IRGM: variants seen among roughly 807,000 people sequenced by gnomAD.
IRGM encodes immunity related GTPase M, also known as immunity-related GTPase family M protein.
For synonymous variants in IRGM, 98 were observed against 80.6 expected, an observed-to-expected ratio of 1.22 and a Z score of -1.16; for missense variants, 288 against 219.9, an observed-to-expected ratio of 1.31 and a Z score of -1.96.
intron 1 of IRGM, among the ~76,000 whole-genome samples, chr5:150,864,574 A>G (rs1040633111): frequency 6.6e-6 from 1 of 152,076 alleles, no homozygotes; most frequent in African/African-American, 2.4e-5. Context: ...CTTCACTATC[A>G]TGTCTGAGGC....
intron 3 of IRGM, among the ~76,000 whole-genome samples, chr5:150,899,208 T>C (rs906027342): frequency 2.0e-5 from 3 of 152,122 alleles, no homozygotes; most frequent in Admixed American, 1.3e-4. Context: ...TAAATTTCTA[T>C]TGTTTAAGCC....
chr5:150,856,985 G>T lies in IRGM; in HGVS notation c.158+8331G>T, dbSNP rs181709119. Among the ~76,000 whole-genome samples the T allele has an allele frequency of 6.5e-3, 983 of 150,316 alleles. 11 individuals are homozygous for T. Among genetic ancestry groups the T allele is most frequent in the African/African-American group, 0.023 (940 of 40,900 alleles). The stretch of plus-strand genomic sequence containing the variant: ...TAGCGTACATGTGCACAATGTGCAG[G>T]TTTGTTACATATGTATACATGTGCC... On this transcript the variant is annotated intron_variant and NMD_transcript_variant, in intron 1 of 3. Coordinates refer to the IRGM transcript ENST00000520549.
Position 150,848,058 on chromosome 5 carries a change from T to A in IRGM, c.-66T>A. On this transcript the variant is annotated 5_prime_UTR_variant, in exon 2 of 2. Transcript: ENST00000522154. ...CCTCGTGATCTGCTCGCCTCGGCCTTCCAAAGTGCTGGGATTACAGGCATG... is the reference window on the plus strand; with the variant it reads ...CCTCGTGATCTGCTCGCCTCGGCCTACCAAAGTGCTGGGATTACAGGCATG... 1 of 1,322,726 alleles carries A rather than the reference T, an allele frequency of 7.6e-7. No individual in the cohort carries two copies. Among genetic ancestry groups the A allele is most frequent in the Non-Finnish European group, 1.0e-6 (1 of 973,880 alleles). The allele number at this position is 1,322,726 out of a possible 1,614,324, so 81.9% of individuals were successfully genotyped here. A position where few individuals can be genotyped will look rare whatever the true frequency, so the allele number is the denominator to read the frequency against.
intron 2 of IRGM, among the ~76,000 whole-genome samples, chr5:150,878,424 CCTT>C (rs1172906860): frequency 4.6e-5 from 7 of 152,118 alleles, no homozygotes; most frequent in South Asian, 2.1e-4. Flanking sequence ...AAATGACTAC[CCTT>C]CTTCTCTCTT....
chr5:150,849,634 T>C (rs370508648), downstream of IRGM, among the ~76,000 whole-genome samples: 1 of 143,852 alleles, frequency 7.0e-6, no homozygotes. Flanking sequence ...TTGAGATGGG[T>C]TCTTGCTCTG....
chr5:150,846,856 T>G lies in IRGM; in HGVS notation c.-780T>G, dbSNP rs907429929. On this transcript the variant is annotated 5_prime_UTR_variant, in exon 1 of 2. Coordinates refer to ENST00000522154, the MANE Select transcript of IRGM (RefSeq NM_001145805.2). ...GAACAAACTCCGGACACGCAGCCTT[T>G]AAGAATTGTAACACTCACCGCGAGG... 1 of 153,422 alleles carries G rather than the reference T, an allele frequency of 6.5e-6. No individual in the cohort carries two copies. The highest frequency in any genetic ancestry group is 1.4e-5 in the Non-Finnish European group (1 of 69,020). 9.5% of individuals were successfully genotyped at this position (153,422 alleles called of 1,614,324 possible).
chr5:150,856,739 G>A (rs1193742911), intron 1 of IRGM, among the ~76,000 whole-genome samples: 1 of 151,426 alleles, frequency 6.6e-6, no homozygotes, highest in East Asian at 1.9e-4. Context: ...CAAAGTGCTA[G>A]GATTACAGGT....
At chr5:150,895,582 C>G in intron 3 of IRGM, 1 of 1,613,532 alleles carries the variant, frequency 6.2e-7, no homozygotes, top group Non-Finnish European at 8.5e-7. Context: ...TTTCCACATT[C>G]AGCACATATG....
At position 150,893,796 on chromosome 5, in the gene IRGM, A is replaced by G. The variant is rs74808574; in HGVS notation, c.*141-6793A>G. Among the ~76,000 whole-genome samples, 762 of 152,220 alleles carry G rather than the reference A, an allele frequency of 5.0e-3. 3 individuals are homozygous for G. Among genetic ancestry groups the G allele is most frequent in the African/African-American group, 0.018 (738 of 41,554 alleles). ...CTAGTTTTATAGCCATGTGCTAGCT[A>G]CCCAAATGCTACATAGTATTTTTAT... On this transcript the variant is annotated intron_variant and NMD_transcript_variant, in intron 3 of 3. Coordinates refer to the IRGM transcript ENST00000520549.
At chr5:150,854,415 C>T (rs1754019320) in intron 1 of IRGM, among the ~76,000 whole-genome samples, 1 of 151,916 alleles carries the variant, frequency 6.6e-6, no homozygotes, top group African/African-American at 2.4e-5. Context: ...TTTATATTTT[C>T]CTATGTGTTC....
At chr5:150,866,998 G>T (rs1754216851) in intron 1 of IRGM, among the ~76,000 whole-genome samples, 1 of 152,254 alleles carries the variant, frequency 6.6e-6, no homozygotes, top group African/African-American at 2.4e-5. Flanking sequence ...ATTTCACTTT[G>T]AAATAACACA....
intron 1 of IRGM, among the ~76,000 whole-genome samples, chr5:150,854,703 T>C (rs1166243789): frequency 6.6e-6 from 1 of 152,184 alleles, no homozygotes; most frequent in Non-Finnish European, 1.5e-5. Context: ...GAATAGCTTG[T>C]ATATGATGAG....
chr5:150,865,817 C>G (rs1436883657), intron 1 of IRGM, among the ~76,000 whole-genome samples: 1 of 152,010 alleles, frequency 6.6e-6, no homozygotes, highest in African/African-American at 2.4e-5. Flanking sequence ...AGTGCAGTGG[C>G]ACAATCTTGG....
intron 3 of IRGM, chr5:150,898,151 T>C (rs752704683): frequency 1.2e-6 from 2 of 1,613,512 alleles, no homozygotes; most frequent in Middle Eastern, 1.7e-4. Flanking sequence ...TTGTTCCAAC[T>C]TGGAGATGAC....
intron 1 of IRGM, among the ~76,000 whole-genome samples, chr5:150,877,026 G>A (rs1358201227): frequency 1.3e-5 from 2 of 152,078 alleles, no homozygotes; most frequent in African/African-American, 4.8e-5. Context: ...ATTTGGGTTG[G>A]GGATTGGTGC....
At chr5:150,875,213 T>A (rs1233384928) in intron 1 of IRGM, among the ~76,000 whole-genome samples, 3 of 152,214 alleles carry the variant, frequency 2.0e-5, no homozygotes, top group Non-Finnish European at 2.9e-5. Flanking sequence ...CACAGATGGT[T>A]CTGCATGACA....
At chr5:150,893,597 T>C (rs965729767) in intron 3 of IRGM, among the ~76,000 whole-genome samples, 3 of 152,052 alleles carry the variant, frequency 2.0e-5, no homozygotes, top group Non-Finnish European at 4.4e-5. Context: ...AAAAAATATA[T>C]AAAGAACAGA....
intron 3 of IRGM, among the ~76,000 whole-genome samples, chr5:150,891,707 A>G (rs937282616): frequency 6.6e-5 from 10 of 152,080 alleles, no homozygotes; most frequent in Non-Finnish European, 1.5e-5. Context: ...AGCCATTCCA[A>G]TGACAGGCAC....
chr5:150,863,435 T>G lies in IRGM; in HGVS notation c.159-14545T>G, dbSNP rs141299571. On this transcript the variant is annotated intron_variant and NMD_transcript_variant, in intron 1 of 3. Transcript: ENST00000520549. ...TGATGATATTGGAGAAAAAATAGAT[T>G]TGTATATAAAATAAGTCCATAACAA... Among the ~76,000 whole-genome samples, 144 of 152,250 alleles carry G rather than the reference T, an allele frequency of 9.5e-4. 1 individual carries two copies. Among genetic ancestry groups the G allele is most frequent in the African/African-American group, 3.3e-3 (138 of 41,552 alleles).
Sources: gnomAD v4.1 joint callset for allele counts (sites outside exome capture counted in the v4.1 genomes callset) on GRCh38, gnomAD v4.1.1 for gene constraint, MANE v1.5 for transcripts, NCBI Gene and HGNC (gene_info 2026-07-23, HGNC 2026-07-21) for gene names.